SDHAF3: variants seen among roughly 807,000 people sequenced by gnomAD.
The protein encoded by SDHAF3 is succinate dehydrogenase assembly factor 3, mitochondrial.
A neutral mutation model predicts 11.5 loss-of-function variants in SDHAF3; 18 were observed. The observed-to-expected ratio is 1.56, with a 90% CI of 1.08 to 2.32. SDHAF3 has a LOEUF of 2.32. SDHAF3 is among the 30% of genes most tolerant of loss of function. The probability of loss-of-function intolerance (pLI) is 0.00; values close to 1 mark genes in which losing one functional copy is unlikely to be tolerated. For missense variants in SDHAF3, 200 were observed against 154.4 expected (o/e 1.30, Z -1.57); for synonymous variants, 72 against 59.3 (o/e 1.21, Z -0.99).
At chr7:97,159,838 C>G (rs1247052694) in intron 1 of SDHAF3, among the ~76,000 whole-genome samples, 1 of 152,086 alleles carries the variant, frequency 6.6e-6, no homozygotes, top group African/African-American at 2.4e-5. Flanking sequence ...TCGGGAGTTT[C>G]GAGAAGGTTG....
In SDHAF3 at chr7:97,141,332, C is replaced by G. The variant is rs572096123; in HGVS notation, c.174+23435C>G. The stretch of plus-strand genomic sequence containing the variant: ...TATTACCTTGTGAAGCATGTGATCT[C>G]TGTGACCCACACCCTATTCGTACAC... On this transcript the variant is annotated intron_variant, in intron 1 of 1. Coordinates refer to ENST00000432641, the MANE Select transcript of SDHAF3 (RefSeq NM_020186.3). Among the ~76,000 whole-genome samples, 293 of 152,280 alleles carry G rather than the reference C, an allele frequency of 1.9e-3. 1 individual carries two copies. The highest frequency in any genetic ancestry group is 6.7e-3 in the African/African-American group (279 of 41,548).
At chr7:97,152,073 C>A (rs1789233315) in intron 1 of SDHAF3, among the ~76,000 whole-genome samples, 1 of 152,194 alleles carries the variant, frequency 6.6e-6, no homozygotes, top group African/African-American at 2.4e-5. Context: ...ATGTATCCAT[C>A]TTTATAGTAG....
At chr7:97,172,245 A>G (rs1789611404) in intron 1 of SDHAF3, among the ~76,000 whole-genome samples, 1 of 152,178 alleles carries the variant, frequency 6.6e-6, no homozygotes, top group Non-Finnish European at 1.5e-5. Flanking sequence ...ATGTCAGTAC[A>G]TGTTTGACCT....
rs71131003 is a variant in SDHAF3, at chr7:97,142,042, C to CTTTTTTTTT, written c.174+24166_174+24174dup. On this transcript the variant is annotated intron_variant, in intron 1 of 1. Coordinates refer to ENST00000432641, the MANE Select transcript of SDHAF3 (RefSeq NM_020186.3). ...AGCAATGAAATGTGTGAATTGTTGT[C>CTTTTTTTTT]TTTTTTTTTTTTTTTTTTTTTTTTT... 3.1e-3 allele frequency among the ~76,000 whole-genome samples: 193 copies of CTTTTTTTTT among 61,694 alleles called. 37 individuals carry two copies. Among genetic ancestry groups the CTTTTTTTTT allele is most frequent in the African/African-American group, 0.01 (163 of 15,994 alleles). The allele number at this position is 61,694 out of a possible 152,430, so 40.5% of individuals were successfully genotyped here. A position where few individuals can be genotyped will look rare whatever the true frequency, so the allele number is the denominator to read the frequency against.
intron 1 of SDHAF3, among the ~76,000 whole-genome samples, chr7:97,131,895 G>T (rs1791676693): frequency 6.6e-6 from 1 of 152,110 alleles, no homozygotes; most frequent in African/African-American, 2.4e-5. Flanking sequence ...ATAGAATAAT[G>T]AAATTATAGC....
At chr7:97,157,303 C>G (rs1789318103) in intron 1 of SDHAF3, among the ~76,000 whole-genome samples, 1 of 152,160 alleles carries the variant, frequency 6.6e-6, no homozygotes, top group South Asian at 2.1e-4. Context: ...CTTGCTGTGA[C>G]AGTTCCCTTC....
In SDHAF3 at chr7:97,181,035, A is replaced by G. The variant is rs780301488; in HGVS notation, c.198A>G (p.Gln66=). The G allele has an allele frequency of 6.2e-7, 1 of 1,613,820 alleles. No homozygotes were observed. The highest frequency in any genetic ancestry group is 8.5e-7 in the Non-Finnish European group (1 of 1,179,910). The change falls in exon 2 of 2, where the codon CAA becomes CAG. Residue 66 remains glutamine, a synonymous_variant. Transcript: ENST00000432641. ...AGGTGTATGCAACAGCGTTATTGCA[A>G]CAGGCTAACGAAAACAGACAAAATT... ...EWEVYATALL[Q]QANENRQNST...
chr7:97,163,095 C>G (rs910733968), intron 1 of SDHAF3, among the ~76,000 whole-genome samples: 2 of 149,234 alleles, frequency 1.3e-5, no homozygotes, highest in African/African-American at 4.9e-5. Flanking sequence ...GATAGCTCTT[C>G]TTGCTGCATT....
At chr7:97,170,589 A>ATAT (rs1789590025) in intron 1 of SDHAF3, among the ~76,000 whole-genome samples, 1 of 152,194 alleles carries the variant, frequency 6.6e-6, no homozygotes, top group Non-Finnish European at 1.5e-5. Context: ...AATATAAAGA[A>ATAT]TATTTGTGAA....
At chr7:97,140,343 A>ATTTTTT (rs67929691) in intron 1 of SDHAF3, among the ~76,000 whole-genome samples, 13 of 112,482 alleles carry the variant, frequency 1.2e-4, no homozygotes, top group African/African-American at 2.8e-4. Flanking sequence ...TTTTGGTAGT[A>ATTTTTT]TTTTTTTTTT....
chr7:97,122,727 T>C (rs896557883), intron 1 of SDHAF3, among the ~76,000 whole-genome samples: 2 of 152,102 alleles, frequency 1.3e-5, no homozygotes, highest in Non-Finnish European at 2.9e-5. Context: ...CAGAGAGATA[T>C]GTGTTGGTCT....
In SDHAF3 at chr7:97,120,725, A is replaced by G. The variant is rs555055426; in HGVS notation, c.174+2828A>G. The stretch of plus-strand genomic sequence containing the variant: ...TACACGATCCCAGTCCCTCACACAC[A>G]TCTAAACTTAATTATGGACTTGAAT... On this transcript the variant is annotated intron_variant, in intron 1 of 1. Coordinates refer to ENST00000432641, the MANE Select transcript of SDHAF3 (RefSeq NM_020186.3). 2.0e-5 allele frequency among the ~76,000 whole-genome samples: 3 copies of G among 152,292 alleles called. No homozygotes were observed. The South Asian group carries it at 6.2e-4, about 32-fold the overall frequency.
At chr7:97,160,941 A>C (rs1562828833) in intron 1 of SDHAF3, among the ~76,000 whole-genome samples, 1 of 152,214 alleles carries the variant, frequency 6.6e-6, no homozygotes, top group African/African-American at 2.4e-5. Context: ...CTCTTAAAAA[A>C]AAAAAGTACA....
chr7:97,178,653 A>ATATC (rs1212804477), intron 1 of SDHAF3, among the ~76,000 whole-genome samples: 13 of 152,096 alleles, frequency 8.5e-5, no homozygotes, highest in African/African-American at 7.2e-5. Flanking sequence ...GGCCATCTGT[A>ATATC]TATCTTTGGA....
intron 1 of SDHAF3, among the ~76,000 whole-genome samples, chr7:97,179,127 T>A (rs146290256): frequency 6.6e-6 from 1 of 152,320 alleles, no homozygotes; most frequent in East Asian, 1.9e-4. Context: ...TTTGACATCT[T>A]TATCAAAAAT....
At chr7:97,174,965 G>A (rs1351734301) in intron 1 of SDHAF3, among the ~76,000 whole-genome samples, 2 of 152,106 alleles carry the variant, frequency 1.3e-5, no homozygotes. Context: ...TGTGTTTCCT[G>A]TAAATTGATA....
chr7:97,167,339 A>ATGAT (rs1789523395), intron 1 of SDHAF3, among the ~76,000 whole-genome samples: 1 of 152,122 alleles, frequency 6.6e-6, no homozygotes, highest in African/African-American at 2.4e-5. Context: ...ATCTTCTGCT[A>ATGAT]TGATTGTACA....
chr7:97,154,621 A>G (rs1789275057), intron 1 of SDHAF3, among the ~76,000 whole-genome samples: 1 of 152,096 alleles, frequency 6.6e-6, no homozygotes, highest in Admixed American at 6.5e-5. Flanking sequence ...CAGAAGTTTT[A>G]AATTTTGATG....
At chr7:97,122,219 A>C (rs976901166) in intron 1 of SDHAF3, among the ~76,000 whole-genome samples, 10 of 152,246 alleles carry the variant, frequency 6.6e-5, no homozygotes, top group African/African-American at 2.4e-4. Flanking sequence ...TTTTACGCAG[A>C]AGATGAGGAA....
Sources: gnomAD v4.1 joint callset for allele counts (sites outside exome capture counted in the v4.1 genomes callset) on GRCh38, gnomAD v4.1.1 for gene constraint, MANE v1.5 for transcripts, NCBI Gene and HGNC (gene_info 2026-07-23, HGNC 2026-07-21) for gene names.